TENM1: variants seen among roughly 807,000 people sequenced by gnomAD.
TENM1 encodes the protein teneurin transmembrane protein 1.
Under a neutral mutation model 174.8 loss-of-function variants are expected in TENM1, and 35 were observed. The ratio of observed to expected loss-of-function variants is 0.20; its 90% CI spans 0.15 to 0.27. TENM1 has a LOEUF of 0.27. Among genes scored for constraint, TENM1 ranks in the 10% least tolerant of loss-of-function variants. The pLI is 1.00. For synonymous variants in TENM1, 781 were observed against 798.7 expected (o/e 0.98, Z 0.37); for missense variants, 1,633 against 2,130.1 (o/e 0.77, Z 4.59).
At chrX:124,876,830 G>A (rs1030503230) in intron 3 of TENM1, among the ~76,000 whole-genome samples, 3 of 111,195 alleles carry the variant, frequency 2.7e-5, no homozygotes, top group African/African-American at 9.8e-5. Flanking sequence ...GGTTTTCAAG[G>A]GTACCTTAAA....
chrX:125,090,839 C>G, the TENM1 span, among the ~76,000 whole-genome samples: 1 of 111,287 alleles, frequency 9.0e-6, no homozygotes, highest in African/African-American at 3.3e-5. Flanking sequence ...CTTGCATAGA[C>G]CAAGGGACCA....
At chrX:124,789,710 T>C (rs2055133912) in intron 3 of TENM1, among the ~76,000 whole-genome samples, 2 of 111,361 alleles carry the variant, frequency 1.8e-5, no homozygotes, top group Non-Finnish European at 3.8e-5. Context: ...TCAGCCTGGA[T>C]TTCATTGTCC....
the TENM1 span, among the ~76,000 whole-genome samples, chrX:125,130,828 T>C: frequency 8.9e-6 from 1 of 111,932 alleles, no homozygotes; most frequent in African/African-American, 3.2e-5. Context: ...AATACAATAA[T>C]GAACAAAACA....
Position 124,485,620 on chromosome X carries a change from A to G in TENM1, c.3716+1589T>C, listed in dbSNP as rs73634516. On this transcript the variant is annotated intron_variant, in intron 21 of 31. Transcript: ENST00000422452. ...AGGCCATTTTTCCAAGAGAAATGCT[A>G]TTTTGCTATTTGCACAAAAGCACTT... 5.8e-3 allele frequency among the ~76,000 whole-genome samples: 651 copies of G among 111,354 alleles called. 7 individuals are homozygous for G. Among genetic ancestry groups the G allele is most frequent in the African/African-American group, 0.02 (607 of 30,679 alleles).
the TENM1 span, among the ~76,000 whole-genome samples, chrX:125,081,127 A>G: frequency 2.7e-5 from 3 of 110,903 alleles, no homozygotes; most frequent in African/African-American, 9.8e-5. Context: ...CTGTATCCCC[A>G]AATCTTGGAA....
chrX:125,172,177 A>C, the TENM1 span, among the ~76,000 whole-genome samples: 1 of 111,677 alleles, frequency 9.0e-6, no homozygotes, highest in South Asian at 3.7e-4. Context: ...AGTTGGAATC[A>C]TGAACCTTGG....
chrX:124,885,728 T>TA (rs2057372807), intron 3 of TENM1, among the ~76,000 whole-genome samples: 1 of 111,201 alleles, frequency 9.0e-6, no homozygotes, highest in South Asian at 3.7e-4. Context: ...ATCTATTTAT[T>TA]AAAAAATATT....
the TENM1 span, among the ~76,000 whole-genome samples, chrX:124,970,907 C>G: frequency 1.8e-5 from 2 of 110,363 alleles, no homozygotes; most frequent in Non-Finnish European, 3.8e-5. Context: ...CAATGATACA[C>G]TGGATTAAGA....
intron 1 of TENM1, among the ~76,000 whole-genome samples, chrX:124,900,737 C>A (rs1439017329): frequency 1.8e-5 from 2 of 110,375 alleles, no homozygotes; most frequent in Non-Finnish European, 3.8e-5. Context: ...AGCCAAGAGG[C>A]CATGAAGACT....
intron 16 of TENM1, among the ~76,000 whole-genome samples, chrX:124,528,968 G>A (rs2048042941): frequency 9.0e-6 from 1 of 111,522 alleles, no homozygotes; most frequent in South Asian, 3.8e-4. Context: ...TTTCTAAAGT[G>A]TCTAGGACTA....
chrX:124,766,539 A>G (rs768652338), intron 3 of TENM1, among the ~76,000 whole-genome samples: 3 of 111,522 alleles, frequency 2.7e-5, no homozygotes, highest in Non-Finnish European at 5.7e-5. Flanking sequence ...AAACTAATTA[A>G]GTAGTTCAAG....
In TENM1 at chrX:124,561,714, A is replaced by C. The variant is rs779621820; in HGVS notation, c.2391T>G (p.Val797=). 2.8e-5 allele frequency: 34 copies of C among 1,209,327 alleles called. No individual in the cohort carries two copies. In the South Asian group the frequency reaches 4.6e-4, roughly 16 times the overall value. The change falls in exon 14 of 32, where the codon GTT becomes GTG. Residue 797 remains valine, a synonymous_variant. Coordinates refer to ENST00000422452, the Ensembl canonical transcript of TENM1. ...TATCTCCACAAAGCATTTCCATGAC[A>C]ACATTGCAGCCTGTCCCACTCCAAC... is the stretch of plus-strand genomic sequence containing the variant.
At chrX:124,761,025 C>T (rs1295517402) in intron 3 of TENM1, among the ~76,000 whole-genome samples, 1 of 111,685 alleles carries the variant, frequency 9.0e-6, no homozygotes, top group African/African-American at 3.3e-5. Flanking sequence ...GAATGGCGAT[C>T]ATTAAAAAGT....
At chrX:125,122,466 T>C in the TENM1 span, among the ~76,000 whole-genome samples, 1 of 111,766 alleles carries the variant, frequency 8.9e-6, no homozygotes, top group Admixed American at 9.5e-5. Context: ...GATAAGCAAC[T>C]TCACTGTAAT....
chrX:124,911,722 C>T (rs1205130032), intron 1 of TENM1, among the ~76,000 whole-genome samples: 2 of 111,298 alleles, frequency 1.8e-5, no homozygotes, highest in African/African-American at 6.5e-5. Flanking sequence ...GGGATGGAGC[C>T]AGTTTGTAAA....
chrX:124,662,684 TAC>T (rs961108530), intron 6 of TENM1, among the ~76,000 whole-genome samples: 4 of 110,933 alleles, frequency 3.6e-5, no homozygotes, highest in Non-Finnish European at 7.5e-5. Context: ...CCTAAAAATG[TAC>T]TCCTCAAGAT....
intron 11 of TENM1, among the ~76,000 whole-genome samples, chrX:124,589,351 GTTTGTT>G (rs1360784073): frequency 1.2e-5 from 1 of 84,908 alleles, no homozygotes; most frequent in African/African-American, 4.9e-5. Context: ...CTGGCCTGTA[GTTTGTT>G]GTTGTTGTTG....
At chrX:125,005,958 C>T in the TENM1 span, among the ~76,000 whole-genome samples, 18 of 111,690 alleles carry the variant, frequency 1.6e-4, no homozygotes, top group African/African-American at 5.5e-4. Context: ...CAGGCAGGCA[C>T]TAGGCTGCAG....
At chrX:124,764,114 G>A (rs1203283572) in intron 3 of TENM1, among the ~76,000 whole-genome samples, 1 of 111,990 alleles carries the variant, frequency 8.9e-6, no homozygotes, top group Non-Finnish European at 1.9e-5. Context: ...CTTCTATTAA[G>A]ACCTCAGGTC....
Sources: gnomAD v4.1 joint callset for allele counts (sites outside exome capture counted in the v4.1 genomes callset) on GRCh38, gnomAD v4.1.1 for gene constraint, MANE v1.5 for transcripts, NCBI Gene and HGNC (gene_info 2026-07-23, HGNC 2026-07-21) for gene names.